Variants in PEX1 observed in about 807,000 individuals in gnomAD.
PEX1 encodes the protein peroxisomal ATPase PEX1.
Under a neutral mutation model 152.5 loss-of-function variants are expected in PEX1, and 97 were observed. That is an observed-to-expected ratio of 0.64 (90% CI 0.54 to 0.75). The LOEUF (loss-of-function observed/expected upper bound fraction) is 0.75. PEX1 is among the 30% of genes least tolerant of loss of function. The pLI is 0.00. For missense variants in PEX1, 1,357 were observed against 1,516.3 expected (o/e 0.89, Z 1.74); for synonymous variants, 485 against 531.6 (o/e 0.91, Z 1.21).
chr7:92,525,444 G>T (rs929304572), intron 1 of PEX1, among the ~76,000 whole-genome samples: 1 of 152,202 alleles, frequency 6.6e-6, no homozygotes, highest in Non-Finnish European at 1.5e-5. Context: ...CTGTGTATAT[G>T]AATCCTCTCC....
At chr7:92,518,111 T>C in intron 4 of PEX1, 30 bp downstream of exon 4, 1 of 1,605,610 alleles carries the variant, frequency 6.2e-7, no homozygotes, top group East Asian at 2.2e-5. Flanking sequence ...TAGTGTAGAA[T>C]ATGACAGCAA....
chr7:92,495,777 T>G (rs1463426626), intron 17 of PEX1, among the ~76,000 whole-genome samples: 1 of 152,118 alleles, frequency 6.6e-6, no homozygotes, highest in African/African-American at 2.4e-5. Context: ...TTCTCTGTTT[T>G]GTGTTTCATT....
At chr7:92,524,409 A>G (rs889100182) in intron 1 of PEX1, among the ~76,000 whole-genome samples, 48 of 151,944 alleles carry the variant, frequency 3.2e-4, no homozygotes, top group Non-Finnish European at 3.1e-4. Context: ...CTGGGATTAC[A>G]GGCCCCCACC....
intron 6 of PEX1, among the ~76,000 whole-genome samples, chr7:92,513,403 A>T (rs78318725): frequency 0.025 from 3,795 of 152,202 alleles, 69 homozygotes; most frequent in Non-Finnish European, 0.041. Context: ...TGATACATAC[A>T]ACACAGATGA....
intron 2 of PEX1, among the ~76,000 whole-genome samples, chr7:92,520,043 C>A (rs777997309): frequency 2.0e-5 from 3 of 151,948 alleles, no homozygotes; most frequent in Non-Finnish European, 2.9e-5. Flanking sequence ...GCAGCTCCTG[C>A]CCACCAAGAA....
At position 92,498,800 on chromosome 7, in the gene PEX1, G is replaced by C. The variant is rs554117037; in HGVS notation, c.2718+904C>G. ...TTGACAAAAGCAATGGTGAGATATA[G>C]TCAAAAGTAACAGAACCATAAAAAC... On this transcript the variant is annotated intron_variant, in intron 16 of 23. Coordinates refer to ENST00000248633, the MANE Select transcript of PEX1 (RefSeq NM_000466.3). Among the ~76,000 whole-genome samples, 3 of 152,306 alleles carry C rather than the reference G, an allele frequency of 2.0e-5. No individual in the cohort carries two copies. In the South Asian group the frequency reaches 6.2e-4, roughly 32 times the overall value.
chr7:92,489,052 A>G (rs1791112084), intron 23 of PEX1, among the ~76,000 whole-genome samples: 2 of 152,228 alleles, frequency 1.3e-5, no homozygotes, highest in Admixed American at 1.3e-4. Context: ...CTAAAATTAA[A>G]TGAGTCCATT....
chr7:92,516,430 GA>G (rs376649281), intron 5 of PEX1, among the ~76,000 whole-genome samples: 3,842 of 146,336 alleles, frequency 0.026, 197 homozygotes, highest in African/African-American at 0.091. Context: ...CCATCTTGTG[GA>G]AAAAAAAAAT....
intron 11 of PEX1, among the ~76,000 whole-genome samples, chr7:92,505,869 T>C (rs559463194): frequency 1.3e-5 from 2 of 152,346 alleles, no homozygotes; most frequent in African/African-American, 2.4e-5. Flanking sequence ...ATTCTCCTCA[T>C]TGCTGTCCAC....
At position 92,517,926 on chromosome 7, in the gene PEX1, T is replaced by C; in HGVS notation, c.589A>G (p.Lys197Glu). The C allele has an allele frequency of 5.7e-6, 9 of 1,583,088 alleles. No homozygotes were observed. The highest frequency in any genetic ancestry group is 6.0e-6 in the Non-Finnish European group (7 of 1,168,740). The change falls in exon 5 of 24, where the codon AAA becomes GAA. Residue 197 changes from lysine to glutamate, a missense_variant. Lys to Glu is a moderately conservative substitution (Grantham distance 56). Transcript: ENST00000248633. ...NTFSKADAEYKKLHSYGRDQK... is the reference protein window; with the variant it reads ...NTFSKADAEYEKLHSYGRDQK... ...TCTCTTCCATAACTATGAAGTTTTT[T>C]ATATTCAGCATCAGCTTTTGAAAAT... is the stretch of plus-strand genomic sequence containing the variant.
In PEX1 at chr7:92,522,319, T is replaced by C. The variant is rs990746364; in HGVS notation, c.130-74A>G. 2.8e-6 allele frequency: 4 copies of C among 1,418,518 alleles called. No individual in the cohort carries two copies. In the African/African-American group the frequency reaches 5.6e-5, roughly 20 times the overall value. 87.9% of individuals were successfully genotyped at this position (1,418,518 alleles called of 1,614,324 possible). On this transcript the variant is annotated intron_variant, in intron 1 of 23. Coordinates refer to ENST00000248633, the MANE Select transcript of PEX1 (RefSeq NM_000466.3). ...CTGGATTCACATGAAAATAAACTAT[T>C]ATTACAATTCACATGTCCAAAAAGA...
At position 92,504,890 on chromosome 7, in the gene PEX1, T is replaced by G. The variant is rs775544654; in HGVS notation, c.1913A>C (p.Glu638Ala). 34 of 1,613,124 alleles carry G rather than the reference T, an allele frequency of 2.1e-5. No homozygotes were observed. Among genetic ancestry groups the G allele is most frequent in the Non-Finnish European group, 2.8e-5 (33 of 1,179,158 alleles). ...DCKALRGKRL[E>A]NIQKTLEVAF... ...CACCTCTAGGGTTTTTTGTATGTTT[T>G]CAAGCCTTTTTCCTTAATACAGAAG... Residue 638 changes from glutamate (E) to alanine (A), a missense_variant, in exon 12 of 24, where the codon GAA (glutamate) becomes GCA (alanine). By Grantham distance (107) the Glu-to-Ala change is moderately radical (BLOSUM62 -1). Transcript: ENST00000248633.
In PEX1 at chr7:92,489,348, G is replaced by A; in HGVS notation, c.3712C>T (p.Leu1238Phe). ...AISQSHLMTALGHTRPSISED... is the reference protein window; with the variant it reads ...AISQSHLMTAFGHTRPSISED... The stretch of plus-strand genomic sequence containing the variant: ...CTAATGGATGGTCTTGTGTGACCAA[G>A]TGCAGTCATTAAATGTGACTGACTA... The change falls in exon 23 of 24, where the codon CTT becomes TTT. Residue 1238 changes from leucine to phenylalanine, a missense_variant. By Grantham distance (22) the Leu-to-Phe change is conservative. Coordinates refer to ENST00000248633, the MANE Select transcript of PEX1 (RefSeq NM_000466.3). The A allele has an allele frequency of 6.2e-7, 1 of 1,612,654 alleles. No individual in the cohort carries two copies. Among genetic ancestry groups the A allele is most frequent in the East Asian group, 2.2e-5 (1 of 44,830 alleles).
chr7:92,514,313 CAA>C (rs1366524902), intron 5 of PEX1, among the ~76,000 whole-genome samples: 1 of 152,134 alleles, frequency 6.6e-6, no homozygotes, highest in Non-Finnish European at 1.5e-5. Flanking sequence ...TTGAGGAGGA[CAA>C]AACATTCAAA....
In PEX1 at chr7:92,503,199, G is replaced by A. The variant is rs1792019918; in HGVS notation, c.2072-4C>T. 3.7e-6 allele frequency: 6 copies of A among 1,612,518 alleles called. No individual in the cohort carries two copies. The highest frequency in any genetic ancestry group is 5.1e-6 in the Non-Finnish European group (6 of 1,179,052). On this transcript the variant is annotated splice_region_variant and splice_polypyrimidine_tract_variant and intron_variant, in intron 12 of 23. Transcript: ENST00000248633. ...TCTTTTATCATATCATTCAAAGCTG[G>A]AATTAAGCAATATAGTGCAAAAGCT...
chr7:92,521,322 A>G lies in PEX1; in HGVS notation c.273+780T>C. 2.6e-5 allele frequency among the ~76,000 whole-genome samples: 4 copies of G among 152,376 alleles called. No homozygotes were observed. The South Asian group carries it at 8.3e-4, about 32-fold the overall frequency. ...AAAGGAATAACTTGATAAACATAAG[A>G]AAACAAAAGATAGACATAGGTATTC... On this transcript the variant is annotated intron_variant, in intron 2 of 23. Coordinates refer to ENST00000248633, the MANE Select transcript of PEX1 (RefSeq NM_000466.3).
rs1193494186 is a variant in PEX1, at chr7:92,504,848, A to G, written c.1955T>C (p.Val652Ala). ...KTLEVAFSEA[V>A]WMQPSVVLLD... is the part of the protein sequence containing the mutation. ...CAGGACAACAGATGGCTGCATCCAC[A>G]CTGCCTCTGAGAAAGCCACCTCTAG... Residue 652 changes from valine (V) to alanine (A), a missense_variant, in exon 12 of 24, where the codon GTG (valine) becomes GCG (alanine). Transcript: ENST00000248633. 2 of 1,613,950 alleles carry G rather than the reference A, an allele frequency of 1.2e-6. No individual in the cohort carries two copies. The highest frequency in any genetic ancestry group is 1.7e-6 in the Non-Finnish European group (2 of 1,179,828).
chr7:92,489,652 C>A, intron 22 of PEX1, 62 bp downstream of exon 22: 3 of 1,453,058 alleles, frequency 2.1e-6, no homozygotes, highest in Non-Finnish European at 2.9e-6. Context: ...AAATATATAT[C>A]AAAAGGGTGA....
At chr7:92,495,134 G>A (rs1202431425) in intron 17 of PEX1, among the ~76,000 whole-genome samples, 38 of 151,858 alleles carry the variant, frequency 2.5e-4, no homozygotes, top group Non-Finnish European at 5.9e-5. Flanking sequence ...GTACTGTTTT[G>A]TAAGGGCTCT....
Sources: allele counts gnomAD v4.1 joint callset (sites outside exome capture counted in the v4.1 genomes callset), GRCh38; gene constraint gnomAD v4.1.1; transcripts MANE v1.5; gene names NCBI Gene and HGNC (gene_info 2026-07-23, HGNC 2026-07-21).